The following HVCN1 variants were observed in gnomAD, a reference collection of about 807,000 sequenced individuals.
The protein encoded by HVCN1 is voltage-gated hydrogen channel 1.
Under a neutral mutation model 29.2 loss-of-function variants are expected in HVCN1, and 14 were observed. That is an observed-to-expected ratio of 0.48 (90% CI 0.32 to 0.75). The LOEUF is 0.75. HVCN1 is among the 30% of genes least tolerant of loss of function. The pLI is 0.04. For synonymous variants in HVCN1, 131 were observed against 133.2 expected (o/e 0.98, Z 0.11); for missense variants, 263 against 341.8 (o/e 0.77, Z 1.82).
intron 2 of HVCN1, among the ~76,000 whole-genome samples, chr12:110,695,371 TAC>T (rs59165683): frequency 0.052 from 7,699 of 147,246 alleles, 426 homozygotes; most frequent in African/African-American, 0.15. Context: ...TTATTTTGTG[TAC>T]ACACACACAC....
At chr12:110,690,047 A>C (rs1221378919), upstream of HVCN1, among the ~76,000 whole-genome samples, 1 of 152,206 alleles carries the variant, frequency 6.6e-6, no homozygotes, top group Non-Finnish European at 1.5e-5. Context: ...CAAATGTGTT[A>C]TCTTACAGCC....
chr12:110,687,266 C>T (rs867763123), intron 2 of HVCN1, among the ~76,000 whole-genome samples: 2 of 150,542 alleles, frequency 1.3e-5, no homozygotes, highest in South Asian at 2.1e-4. Context: ...CACCCCCCCC[C>T]CCCAGCTAAG....
intron 3 of HVCN1, among the ~76,000 whole-genome samples, chr12:110,673,625 A>G (rs2068653638): frequency 1.3e-5 from 2 of 152,254 alleles, no homozygotes; most frequent in Non-Finnish European, 2.9e-5. Context: ...TCATGGGCCT[A>G]GGGACTTGGT....
At chr12:110,682,974 A>C (rs553407190) in intron 3 of HVCN1, 7 of 440,470 alleles carry the variant, frequency 1.6e-5, no homozygotes, top group Non-Finnish European at 1.6e-5. Context: ...CAAAAAAAAA[A>C]AAACAAAAAA....
intron 2 of HVCN1, among the ~76,000 whole-genome samples, chr12:110,687,022 G>A (rs2069209065): frequency 6.6e-6 from 1 of 152,230 alleles, no homozygotes; most frequent in African/African-American, 2.4e-5. Flanking sequence ...TGAAGTCTAT[G>A]TAGAAACGGG....
chr12:110,665,199 T>G (rs2068302942), intron 3 of HVCN1, among the ~76,000 whole-genome samples: 1 of 152,114 alleles, frequency 6.6e-6, no homozygotes, highest in Non-Finnish European at 1.5e-5. Context: ...AGCATACAAT[T>G]AAAATTACTA....
Position 110,649,133 on chromosome 12 carries a change from G to T in HVCN1, c.*277C>A, listed in dbSNP as rs2067658101. 1 of 667,262 alleles carries T rather than the reference G, an allele frequency of 1.5e-6. No individual in the cohort carries two copies. The highest frequency in any genetic ancestry group is 2.9e-5 in the East Asian group (1 of 35,000). 41.3% of individuals were successfully genotyped at this position (667,262 alleles called of 1,614,324 possible). A position where few individuals can be genotyped will look rare whatever the true frequency, so the allele number is the denominator to read the frequency against. On this transcript the variant is annotated 3_prime_UTR_variant, in exon 8 of 8. Transcript: ENST00000242607. The stretch of plus-strand genomic sequence containing the variant: ...TAAATTTTATATACAACTAGCAATT[G>T]TCCAGCTTTGTTGCTCATTTTCAAT...
Position 110,673,461 on chromosome 12 carries a change from G to A in HVCN1, c.21+9764C>T, listed in dbSNP as rs149709916. Reference sequence around the variant, plus strand: ...AGAAAAGAAAAACCCATTTTCTGGGGAGAAATTCAAGCCAGCTACAGAAAT... The same window carrying A: ...AGAAAAGAAAAACCCATTTTCTGGGAAGAAATTCAAGCCAGCTACAGAAAT... On this transcript the variant is annotated intron_variant, in intron 3 of 7. Transcript: ENST00000242607. 4.9e-3 allele frequency among the ~76,000 whole-genome samples: 752 copies of A among 152,286 alleles called. 8 individuals carry two copies. The highest frequency in any genetic ancestry group is 0.017 in the African/African-American group (703 of 41,562).
intron 4 of HVCN1, among the ~76,000 whole-genome samples, chr12:110,660,518 G>C (rs1215264819): frequency 6.6e-6 from 1 of 152,238 alleles, no homozygotes; most frequent in African/African-American, 2.4e-5. Context: ...GAACAGATGA[G>C]TGTTTTTTCT....
chr12:110,704,052 T>C (rs958825908), intron 1 of HVCN1, among the ~76,000 whole-genome samples: 3 of 152,176 alleles, frequency 2.0e-5, no homozygotes, highest in South Asian at 2.1e-4. Context: ...TCCAGTTTGA[T>C]TGACAATTTG....
At chr12:110,668,838 C>T (rs546642734) in intron 3 of HVCN1, among the ~76,000 whole-genome samples, 1 of 152,260 alleles carries the variant, frequency 6.6e-6, no homozygotes, top group African/African-American at 2.4e-5. Context: ...CCTGACGGTC[C>T]CACACTCTTT....
At chr12:110,674,514 T>C (rs10849903) in intron 3 of HVCN1, among the ~76,000 whole-genome samples, 36,013 of 152,014 alleles carry the variant, frequency 0.24, 6,466 homozygotes, top group African/African-American at 0.51. Context: ...TGGCTGTGTC[T>C]CCACCCAAAT....
At position 110,650,152 on chromosome 12, in the gene HVCN1, G is replaced by A; in HGVS notation, c.756+16C>T. 2 of 1,548,648 alleles carry A rather than the reference G, an allele frequency of 1.3e-6. No homozygotes were observed. The highest frequency in any genetic ancestry group is 1.8e-6 in the Non-Finnish European group (2 of 1,120,734). On this transcript the variant is annotated intron_variant, in intron 7 of 7. Coordinates refer to ENST00000242607, the MANE Select transcript of HVCN1 (RefSeq NM_032369.4). ...GAGCCACCACGCCTGGTCCCCAGAT[G>A]TGTCGTCTTTCTTACCTTCTCAGAG... is the stretch of plus-strand genomic sequence containing the variant.
chr12:110,700,355 A>T (rs11065698), intron 2 of HVCN1, among the ~76,000 whole-genome samples: 15,907 of 152,256 alleles, frequency 0.1, 1,179 homozygotes, highest in Non-Finnish European at 0.16. Flanking sequence ...CACAGAGGAC[A>T]GCAAAATCGC....
intron 3 of HVCN1, among the ~76,000 whole-genome samples, chr12:110,663,599 A>AG (rs770944637): frequency 2.0e-5 from 3 of 151,064 alleles, no homozygotes; most frequent in African/African-American, 7.3e-5. Context: ...AAAAAAAAAA[A>AG]AAAAAAAAAA....
In HVCN1 at chr12:110,703,304, G is replaced by A. The variant is rs185344232; in HGVS notation, c.-228-871C>T. Among the ~76,000 whole-genome samples the A allele has an allele frequency of 6.8e-3, 1,023 of 151,344 alleles. 1 individual carries two copies. Among genetic ancestry groups the A allele is most frequent in the Non-Finnish European group, 9.3e-3 (631 of 67,878 alleles). ...CTTGAGAGGCTGAGGTGGGAGGATT[G>A]CCTGAGCCCTGAGGGTTGAGGCTGC... On this transcript the variant is annotated intron_variant, in intron 1 of 4. Coordinates refer to the HVCN1 transcript ENST00000546713.
chr12:110,695,467 G>A (rs1328814846), intron 2 of HVCN1, among the ~76,000 whole-genome samples: 1 of 152,064 alleles, frequency 6.6e-6, no homozygotes, highest in African/African-American at 2.4e-5. Flanking sequence ...GAGGCCAGAG[G>A]ATTGCTTGAG....
At chr12:110,690,193 C>G (rs1452350010), upstream of HVCN1, among the ~76,000 whole-genome samples, 3 of 152,158 alleles carry the variant, frequency 2.0e-5, no homozygotes, top group African/African-American at 7.2e-5. Flanking sequence ...CCTTGGCTGT[C>G]TCAATCCGAC....
intron 2 of HVCN1, among the ~76,000 whole-genome samples, chr12:110,683,653 T>TA (rs908089712): frequency 4.6e-5 from 7 of 152,170 alleles, no homozygotes; most frequent in Non-Finnish European, 7.4e-5. Context: ...CTCACACTTG[T>TA]AATCCCAGCA....
Sources: allele counts gnomAD v4.1 joint callset (sites outside exome capture counted in the v4.1 genomes callset), GRCh38; gene constraint gnomAD v4.1.1; transcripts MANE v1.5; gene names NCBI Gene and HGNC (gene_info 2026-07-23, HGNC 2026-07-21).